PGM1: variants seen among roughly 807,000 people sequenced by gnomAD.
PGM1 encodes phosphoglucomutase-1.
A neutral mutation model predicts 55.6 loss-of-function variants in PGM1; 52 were observed. The observed-to-expected ratio is 0.94, with a 90% CI of 0.75 to 1.18. The LOEUF is 1.18. Among genes scored for constraint, PGM1 ranks in the 50% most tolerant of loss-of-function variants. The pLI is 0.00. For synonymous variants in PGM1, 287 were observed against 271.7 expected, an observed-to-expected ratio of 1.06 and a Z score of -0.55; for missense variants, 724 against 729.3, an observed-to-expected ratio of 0.99 and a Z score of 0.08.
At position 63,636,224 on chromosome 1, in the gene PGM1, T is replaced by C; in HGVS notation, c.874-10T>C. 1 of 1,613,446 alleles carries C rather than the reference T, an allele frequency of 6.2e-7. No individual in the cohort carries two copies. The highest frequency in any genetic ancestry group is 8.5e-7 in the Non-Finnish European group (1 of 1,179,334). ...AAAAGGTCTTTCTTTGATCCTCTCTTCTCCCCAAGGATCGAAACATGATTC... is the reference window on the plus strand; with the variant it reads ...AAAAGGTCTTTCTTTGATCCTCTCTCCTCCCCAAGGATCGAAACATGATTC... On this transcript the variant is annotated splice_polypyrimidine_tract_variant and intron_variant, in intron 5 of 10. Transcript: ENST00000371084.
At chr1:63,638,925 T>A in intron 7 of PGM1, 125 bp downstream of exon 7, 1 of 772,928 alleles carries the variant, frequency 1.3e-6, no homozygotes, top group Non-Finnish European at 2.4e-6. Context: ...AGGCACAAAT[T>A]ATTTATAACA....
intron 1 of PGM1, among the ~76,000 whole-genome samples, chr1:63,611,428 A>C (rs1648561917): frequency 6.6e-6 from 1 of 152,144 alleles, no homozygotes; most frequent in African/African-American, 2.4e-5. Flanking sequence ...GGGAAGAGGG[A>C]GGCCGCCGGT....
intron 1 of PGM1, among the ~76,000 whole-genome samples, chr1:63,599,250 C>T (rs1648164274): frequency 6.6e-6 from 1 of 152,010 alleles, no homozygotes. Flanking sequence ...ACTGTAACCT[C>T]CGCCTCCTGG....
intron 10 of PGM1, 91 bp from the exon 11 acceptor site, chr1:63,659,487 TTGGAGACC>T (rs1412057618): frequency 1.1e-6 from 1 of 936,660 alleles, no homozygotes; most frequent in African/African-American, 1.6e-5. Context: ...TTGAGGAGCC[TTGGAGACC>T]TGGAAGTAGG....
At position 63,631,771 on chromosome 1, in the gene PGM1, C is replaced by G. The variant is rs1570496051; in HGVS notation, c.671C>G (p.Ala224Gly). 2 of 1,613,740 alleles carry G rather than the reference C, an allele frequency of 1.2e-6. No homozygotes were observed. Among genetic ancestry groups the G allele is most frequent in the East Asian group, 4.5e-5 (2 of 44,862 alleles). The change falls in exon 4 of 11, where the codon GCT becomes GGT. Residue 224 changes from alanine (A) to glycine (G), a missense_variant. By Grantham distance (60) the Ala-to-Gly change is moderately conservative. Coordinates refer to ENST00000371084, the MANE Select transcript of PGM1 (RefSeq NM_002633.3). ...GPNRLKIRID[A>G]MHGVVGPYVK... is the part of the protein sequence containing the mutation. Reference sequence around the variant, plus strand: ...AACCGACTGAAGATCCGTATTGATGCTATGCATGGAGGTATACAATCATTT... The same window carrying G: ...AACCGACTGAAGATCCGTATTGATGGTATGCATGGAGGTATACAATCATTT...
chr1:63,615,921 TAGAGTTGTGCAAGGCTGCTCTGGGC>T (rs1490743783), intron 1 of PGM1, among the ~76,000 whole-genome samples: 1 of 152,070 alleles, frequency 6.6e-6, no homozygotes, highest in Non-Finnish European at 1.5e-5. Flanking sequence ...AGGGAGCCCA[TAGAGTTGTGCAAGGCTGCTCTGGGC>T]AGAGGTGAGT....
chr1:63,604,959 G>GTGTGTGTGTGTGT (rs58900430), intron 1 of PGM1, among the ~76,000 whole-genome samples: 8 of 134,232 alleles, frequency 6.0e-5, no homozygotes, highest in South Asian at 4.6e-4. Context: ...GTGTGTGTGT[G>GTGTGTGTGTGTGT]TAAAGAGAGG....
At chr1:63,623,876 C>A in intron 1 of PGM1, 1 of 668,114 alleles carries the variant, frequency 1.5e-6, no homozygotes, top group East Asian at 2.7e-5. Context: ...CTACTAACAT[C>A]CAGCTAAGTT....
chr1:63,627,851 C>T (rs116020545), intron 1 of PGM1, among the ~76,000 whole-genome samples: 141 of 152,282 alleles, frequency 9.3e-4, no homozygotes, highest in African/African-American at 3.2e-3. Flanking sequence ...GGCTTTTATT[C>T]TCATCACAAC....
intron 1 of PGM1, among the ~76,000 whole-genome samples, chr1:63,624,887 T>C (rs1187346126): frequency 6.6e-6 from 1 of 152,218 alleles, no homozygotes; most frequent in Admixed American, 6.6e-5. Context: ...GTTTTCCTGA[T>C]ACTCAGTTTC....
chr1:63,611,801 G>A (rs1648573234), intron 1 of PGM1, among the ~76,000 whole-genome samples: 2 of 151,934 alleles, frequency 1.3e-5, no homozygotes. Flanking sequence ...TATTCGGGAG[G>A]CTGAGGCAGG....
At chr1:63,635,540 AT>A (rs1195494054) in intron 5 of PGM1, among the ~76,000 whole-genome samples, 1 of 152,236 alleles carries the variant, frequency 6.6e-6, no homozygotes. Flanking sequence ...AAGGGTGACT[AT>A]GTACCAGACA....
At chr1:63,632,826 C>T (rs1005166384) in intron 4 of PGM1, among the ~76,000 whole-genome samples, 23 of 152,152 alleles carry the variant, frequency 1.5e-4, no homozygotes, top group East Asian at 1.3e-3. Context: ...GCCTGACCAA[C>T]ATGGTGAAAC....
chr1:63,633,161 A>G (rs1649242874), intron 4 of PGM1, among the ~76,000 whole-genome samples: 1 of 152,242 alleles, frequency 6.6e-6, no homozygotes, highest in Non-Finnish European at 1.5e-5. Context: ...AAGAAGTGGC[A>G]TCCAACTCAG....
Position 63,593,680 on chromosome 1 carries a change from G to T in PGM1, c.192G>T (p.Arg64=). The part of the protein sequence containing the change: ...EATLVVGGDG[R]FYMKEAIQLI... ...CGCTGGTGGTGGGCGGGGACGGCCG[G>T]TTCTACATGAAGGAGGCCATCCAGC... The change falls in exon 1 of 11, where the codon CGG becomes CGT. Residue 64 remains arginine, a synonymous_variant. Transcript: ENST00000371084. 1 of 1,606,050 alleles carries T rather than the reference G, an allele frequency of 6.2e-7. No homozygotes were observed.
Position 63,651,652 on chromosome 1 carries a change from T to A in PGM1, c.1281-17T>A, listed in dbSNP as rs1213133099. ...CTGCAGTCAGCCCGTGGGCCTCAAC[T>A]TCGTGACTTCTTCCAGGTATGATTA... On this transcript the variant is annotated splice_polypyrimidine_tract_variant and intron_variant, in intron 8 of 10. Transcript: ENST00000371084. The A allele has an allele frequency of 4.3e-6, 7 of 1,612,690 alleles. No individual in the cohort carries two copies. In the Admixed American group the frequency reaches 1.2e-4, roughly 27 times the overall value.
chr1:63,655,095 A>T (rs1181587649), intron 10 of PGM1, among the ~76,000 whole-genome samples: 1 of 151,022 alleles, frequency 6.6e-6, no homozygotes, highest in East Asian at 2.0e-4. Flanking sequence ...CAGCTACCTG[A>T]GTAGCTCGGA....
intron 10 of PGM1, chr1:63,655,962 A>C (rs1337425814): frequency 6.6e-6 from 1 of 152,252 alleles, no homozygotes; most frequent in East Asian, 1.9e-4. Context: ...AGAGCAGGTC[A>C]AAACTCCCAT....
intron 9 of PGM1, among the ~76,000 whole-genome samples, chr1:63,652,219 T>A (rs1649828758): frequency 1.3e-5 from 2 of 152,188 alleles, no homozygotes; most frequent in Non-Finnish European, 2.9e-5. Context: ...TGTCAACTCC[T>A]CTCTTTTCTG....
Sources: gnomAD v4.1 joint callset for allele counts (sites outside exome capture counted in the v4.1 genomes callset) on GRCh38, gnomAD v4.1.1 for gene constraint, MANE v1.5 for transcripts, NCBI Gene and HGNC (gene_info 2026-07-23, HGNC 2026-07-21) for gene names.